Variants in SSX2IP observed in about 807,000 individuals in gnomAD.
SSX2IP encodes the protein SSX family member 2 interacting protein.
SSX2IP carries 55 observed loss-of-function variants against 84.9 expected under a neutral mutation model. The observed-to-expected ratio is 0.65, with a 90% CI of 0.52 to 0.81. The LOEUF (loss-of-function observed/expected upper bound fraction) is 0.81, where lower values mean the gene tolerates loss of function less well. Ranked by LOEUF, SSX2IP falls within the 30% of genes least tolerant of loss-of-function variation. SSX2IP has a pLI of 0.00. For synonymous variants in SSX2IP, 239 were observed against 234.7 expected (o/e 1.02, Z -0.17); for missense variants, 664 against 705.2 (o/e 0.94, Z 0.66).
chr1:84,686,269 A>G (rs951086365), intron 1 of SSX2IP, among the ~76,000 whole-genome samples: 2 of 152,224 alleles, frequency 1.3e-5, no homozygotes, highest in African/African-American at 4.8e-5. Context: ...TAAACTGGGC[A>G]ATTAATGGTC....
chr1:84,647,368 C>T lies in SSX2IP; in HGVS notation c.*65G>A. 2 of 1,399,162 alleles carry T rather than the reference C, an allele frequency of 1.4e-6. No individual in the cohort carries two copies. The highest frequency in any genetic ancestry group is 1.9e-6 in the Non-Finnish European group (2 of 1,040,264). The allele number at this position is 1,399,162 out of a possible 1,614,324, so 86.7% of individuals were successfully genotyped here. A position where few individuals can be genotyped will look rare whatever the true frequency, so the allele number is the denominator to read the frequency against. On this transcript the variant is annotated 3_prime_UTR_variant, in exon 14 of 14. Coordinates refer to ENST00000342203, the MANE Select transcript of SSX2IP (RefSeq NM_001166293.2). ...TAGAGATAACTGACTTTATGACACA[C>T]CCTGTTTCAACTTAGATGTGAAACT...
Position 84,670,813 on chromosome 1 carries a change from T to A in SSX2IP, c.46A>T (p.Ser16Cys). The A allele has an allele frequency of 6.2e-7, 1 of 1,602,028 alleles. No individual in the cohort carries two copies. The highest frequency in any genetic ancestry group is 8.5e-7 in the Non-Finnish European group (1 of 1,175,430). The change falls in exon 3 of 14, where the codon AGC (serine) becomes TGC (cysteine). Residue 16 changes from serine (S) to cysteine (C), a missense_variant and splice_region_variant. By Grantham distance (112) the Ser-to-Cys change is moderately radical. Coordinates refer to ENST00000342203, the MANE Select transcript of SSX2IP (RefSeq NM_001166293.2). ...TVTDPGLSSE[S>C]KTISQYTSET... ...GAGGTATATTGAGAGATAGTTTTGC[T>A]TTCTGAAAGAATAAAAGGCATCTAT...
chr1:84,655,404 G>A, intron 11 of SSX2IP: 1 of 1,275,286 alleles, frequency 7.8e-7, no homozygotes, highest in South Asian at 1.3e-5. Context: ...GCAAGCTGTA[G>A]AGCGTATATA....
At chr1:84,676,262 A>G in intron 1 of SSX2IP, among the ~76,000 whole-genome samples, 1 of 152,248 alleles carries the variant, frequency 6.6e-6, no homozygotes, top group East Asian at 1.9e-4. Flanking sequence ...AATAAGAGAC[A>G]TAGTTTTGTT....
intron 1 of SSX2IP, among the ~76,000 whole-genome samples, chr1:84,671,780 C>T (rs906433726): frequency 1.3e-5 from 2 of 152,152 alleles, no homozygotes; most frequent in Non-Finnish European, 2.9e-5. Flanking sequence ...CTTCCATATA[C>T]TCCCTCCAGA....
intron 6 of SSX2IP, among the ~76,000 whole-genome samples, chr1:84,663,927 A>C (rs1371486154): frequency 1.3e-5 from 2 of 152,186 alleles, no homozygotes; most frequent in African/African-American, 4.8e-5. Context: ...TATTAGGAAA[A>C]AAGTATACCT....
At position 84,647,361 on chromosome 1, in the gene SSX2IP, T is replaced by C. The variant is rs1426831679; in HGVS notation, c.*72A>G. On this transcript the variant is annotated 3_prime_UTR_variant, in exon 14 of 14. Transcript: ENST00000342203. ...AAGTTATTAGAGATAACTGACTTTA[T>C]GACACACCCTGTTTCAACTTAGATG... The C allele has an allele frequency of 7.4e-7, 1 of 1,359,864 alleles. No individual in the cohort carries two copies. Among genetic ancestry groups the C allele is most frequent in the Non-Finnish European group, 9.9e-7 (1 of 1,010,810 alleles). 84.2% of individuals were successfully genotyped at this position (1,359,864 alleles called of 1,614,324 possible). A position where few individuals can be genotyped will look rare whatever the true frequency, so the allele number is the denominator to read the frequency against.
At chr1:84,688,099 T>C (rs978454449) in intron 1 of SSX2IP, among the ~76,000 whole-genome samples, 1 of 152,244 alleles carries the variant, frequency 6.6e-6, no homozygotes, top group Non-Finnish European at 1.5e-5. Context: ...GTTTAATGAA[T>C]GTTTATTGAA....
At position 84,646,031 on chromosome 1, in the gene SSX2IP, GGTTT is replaced by G. The variant is rs1483065025; in HGVS notation, c.*1398_*1401del. On this transcript the variant is annotated 3_prime_UTR_variant, in exon 14 of 14. Coordinates refer to ENST00000342203, the MANE Select transcript of SSX2IP (RefSeq NM_001166293.2). ...AGTGAATGGACAACACAAATAGGTGGGTTTTTTTTGTTTTTTAATAATATGAATT... is the reference window on the plus strand; with the variant it reads ...AGTGAATGGACAACACAAATAGGTGGTTTTTGTTTTTTAATAATATGAATT... The G allele has an allele frequency of 1.3e-5, 2 of 152,100 alleles. No homozygotes were observed. Among genetic ancestry groups the G allele is most frequent in the Non-Finnish European group, 2.9e-5 (2 of 68,012 alleles). 9.4% of individuals were successfully genotyped at this position (152,100 alleles called of 1,614,324 possible).
intron 1 of SSX2IP, 117 bp from the exon 2 acceptor site, chr1:84,671,425 A>C: frequency 1.4e-6 from 1 of 702,222 alleles, no homozygotes; most frequent in South Asian, 2.8e-5. Flanking sequence ...TGCAATACCT[A>C]TTCCCATGCA....
At position 84,681,320 on chromosome 1, in the gene SSX2IP, T is replaced by TA. The variant is rs1295532706; in HGVS notation, c.-90+9050dup. 5.3e-5 allele frequency among the ~76,000 whole-genome samples: 8 copies of TA among 152,300 alleles called. No homozygotes were observed. In the East Asian group the frequency reaches 1.5e-3, roughly 29 times the overall value. Reference sequence around the variant, plus strand: ...TTAATATCCATCATGGACAAACTGTTAAAAACCAACACATATGGTACAGCC... The same window carrying TA: ...TTAATATCCATCATGGACAAACTGTTAAAAAACCAACACATATGGTACAGCC... On this transcript the variant is annotated intron_variant, in intron 1 of 13. Transcript: ENST00000342203.
chr1:84,678,397 A>G (rs1654657955), intron 1 of SSX2IP, among the ~76,000 whole-genome samples: 1 of 152,172 alleles, frequency 6.6e-6, no homozygotes, highest in Non-Finnish European at 1.5e-5. Flanking sequence ...GCTTTTACAA[A>G]ACAGTGCACA....
At chr1:84,655,787 ACCCAC>A in intron 11 of SSX2IP, 40 bp downstream of exon 11, 1 of 1,586,816 alleles carries the variant, frequency 6.3e-7, no homozygotes, top group Non-Finnish European at 8.6e-7. Flanking sequence ...ACTGAGGCCC[ACCCAC>A]CCCCAGTATT....
chr1:84,671,360 A>T, intron 1 of SSX2IP, 52 bp from the exon 2 acceptor site: 1 of 1,390,658 alleles, frequency 7.2e-7, no homozygotes. Context: ...TATGAAAGCC[A>T]ATATAAACCC....
intron 1 of SSX2IP, among the ~76,000 whole-genome samples, chr1:84,681,600 A>T (rs2102569439): frequency 7.3e-6 from 1 of 137,286 alleles, no homozygotes; most frequent in East Asian, 2.0e-4. Flanking sequence ...TATAGCTTGA[A>T]TGTTATAGGA....
In SSX2IP at chr1:84,689,636, C is replaced by T. The variant is rs527282063; in HGVS notation, c.-90+735G>A. ...AAAATTCCTACATTATACGTGCAGA[C>T]AGCAAATTAGTATATTCTATGTCCT... On this transcript the variant is annotated intron_variant, in intron 1 of 13. Coordinates refer to ENST00000342203, the MANE Select transcript of SSX2IP (RefSeq NM_001166293.2). Among the ~76,000 whole-genome samples, 4 of 152,318 alleles carry T rather than the reference C, an allele frequency of 2.6e-5. No homozygotes were observed. The South Asian group carries it at 6.2e-4, about 24-fold the overall frequency.
rs1649461402 is a variant in SSX2IP, at chr1:84,646,353, T to G, written c.*1080A>C. The stretch of plus-strand genomic sequence containing the variant: ...GCTTAAGAGTTTTCTGAAAATGAAA[T>G]GACATGTTTTTCCAGAGTATCATCT... On this transcript the variant is annotated 3_prime_UTR_variant, in exon 14 of 14. Coordinates refer to ENST00000342203, the MANE Select transcript of SSX2IP (RefSeq NM_001166293.2). 3 of 152,606 alleles carry G rather than the reference T, an allele frequency of 2.0e-5. No homozygotes were observed. Among genetic ancestry groups the G allele is most frequent in the Admixed American group, 1.3e-4 (2 of 15,278 alleles). The allele number at this position is 152,606 out of a possible 1,614,324, so 9.5% of individuals were successfully genotyped here. A position where few individuals can be genotyped will look rare whatever the true frequency, so the allele number is the denominator to read the frequency against.
intron 9 of SSX2IP, among the ~76,000 whole-genome samples, chr1:84,657,408 T>C (rs1274003013): frequency 6.6e-6 from 1 of 152,238 alleles, no homozygotes; most frequent in African/African-American, 2.4e-5. Context: ...TTCTACTTTA[T>C]ATACTTCCAA....
chr1:84,660,845 G>A (rs560194489), intron 8 of SSX2IP, among the ~76,000 whole-genome samples: 13 of 135,628 alleles, frequency 9.6e-5, no homozygotes, highest in African/African-American at 3.6e-4. Context: ...GAGGTCAGGA[G>A]ATTGAGACCA....
Sources: allele counts gnomAD v4.1 joint callset (sites outside exome capture counted in the v4.1 genomes callset), GRCh38; gene constraint gnomAD v4.1.1; transcripts MANE v1.5; gene names NCBI Gene and HGNC (gene_info 2026-07-23, HGNC 2026-07-21).